The following ITGA6 variants were observed in gnomAD, a reference collection of about 807,000 sequenced individuals.
ITGA6 encodes the protein integrin alpha-6.
In ITGA6, 63 loss-of-function variants were observed where a neutral mutation model predicts 133.6. The ratio of observed to expected loss-of-function variants is 0.47; its 90% confidence interval spans 0.38 to 0.58. ITGA6 has a LOEUF of 0.58. Among genes scored for constraint, ITGA6 ranks in the 20% least tolerant of loss-of-function variants. The pLI, the probability that ITGA6 is intolerant of heterozygous loss-of-function variation, is 0.00. For synonymous variants in ITGA6, 434 were observed against 482.0 expected, an observed-to-expected ratio of 0.90 and a Z score of 1.30; for missense variants, 1,068 against 1,309.4, an observed-to-expected ratio of 0.82 and a Z score of 2.85.
Position 172,469,159 on chromosome 2 carries a change from T to A in ITGA6, c.422T>A (p.Val141Asp). 3 of 1,614,192 alleles carry A rather than the reference T, an allele frequency of 1.9e-6. No individual in the cohort carries two copies. The highest frequency in any genetic ancestry group is 2.5e-6 in the Non-Finnish European group (3 of 1,180,014). The change falls in exon 4 of 26, where the codon GTT (valine) becomes GAT (aspartate). Residue 141 changes from valine (V) to aspartate (D), a missense_variant. By Grantham distance (152) the Val-to-Asp change is radical. This residue lies in a region of ITGA6 where 317 missense variants were observed against 456.9 expected (regional missense o/e 0.69). Transcript: ENST00000684293. ...CACCGATATGAAAAAAGGCAGCATG[T>A]TAATACGAAGCAGGAATCCCGAGAC... Reference protein sequence around the residue: ...CAHRYEKRQHVNTKQESRDIF... With the variant: ...CAHRYEKRQHDNTKQESRDIF...
chr2:172,445,067 G>A (rs1684703761), intron 1 of ITGA6, among the ~76,000 whole-genome samples: 1 of 151,970 alleles, frequency 6.6e-6, no homozygotes, highest in African/African-American at 2.4e-5. Context: ...TCAGGTTCAA[G>A]TGATTCTGCT....
Position 172,484,807 on chromosome 2 carries a change from AAAAG to A in ITGA6, c.1582_1585del (p.Arg528GlufsTer24). On this transcript the variant is annotated frameshift_variant, in exon 12 of 26. Coordinates refer to ENST00000684293, the MANE Select transcript of ITGA6 (RefSeq NM_000210.4). LOFTEE classifies it high-confidence loss of function. ...CAATTGTGGGCACACTTGAAGCTGAAAAAGAAAGAAGAAAATCTGGGCTATCCTC... is the reference window on the plus strand; with the variant it reads ...CAATTGTGGGCACACTTGAAGCTGAAAAAGAAGAAAATCTGGGCTATCCTC... The A allele has an allele frequency of 6.2e-7, 1 of 1,614,198 alleles. No individual in the cohort carries two copies. The highest frequency in any genetic ancestry group is 1.1e-5 in the South Asian group (1 of 91,078).
chr2:172,499,179 T>A (rs555942893), intron 24 of ITGA6, among the ~76,000 whole-genome samples: 1 of 152,318 alleles, frequency 6.6e-6, no homozygotes, highest in Non-Finnish European at 1.5e-5. Flanking sequence ...TTTTTTTGAC[T>A]GACTTTTGCA....
chr2:172,490,828 G>A, intron 20 of ITGA6, 196 bp from the exon 21 acceptor site: 1 of 545,912 alleles, frequency 1.8e-6, no homozygotes, highest in Admixed American at 3.1e-5. Flanking sequence ...AGTCCTATGA[G>A]TAAATCAATA....
chr2:172,435,027 AGTGTGTGTGTGTGTGT>A (rs72087668), intron 1 of ITGA6, among the ~76,000 whole-genome samples: 15 of 144,068 alleles, frequency 1.0e-4, no homozygotes, highest in South Asian at 6.8e-4. Flanking sequence ...GGTGGTTTTA[AGTGTGTGTGTGTGTGT>A]GTGTGTGTGT....
intron 2 of ITGA6, 33 bp downstream of exon 2, chr2:172,465,696 C>T (rs1196188001): frequency 1.1e-5 from 17 of 1,613,852 alleles, no homozygotes; most frequent in South Asian, 4.4e-5. Flanking sequence ...GCGTTCACTC[C>T]GGCAGCTTGC....
rs751055416 is a variant in ITGA6 at position 172,427,763 on chromosome 2, C to T, written c.-26C>T. Reference sequence around the variant, plus strand: ...AGCGCAGGGCGGCCGCTGCAGGTCCCCGCTCCCCTCCCCGTGCGTCCGCCC... The same window carrying T: ...AGCGCAGGGCGGCCGCTGCAGGTCCTCGCTCCCCTCCCCGTGCGTCCGCCC... On this transcript the variant is annotated 5_prime_UTR_variant, in exon 1 of 26. Transcript: ENST00000684293. 2 of 1,560,398 alleles carry T rather than the reference C, an allele frequency of 1.3e-6. No individual in the cohort carries two copies. The highest frequency in any genetic ancestry group is 1.7e-6 in the Non-Finnish European group (2 of 1,154,868).
chr2:172,442,202 T>G (rs1684572663), intron 1 of ITGA6, among the ~76,000 whole-genome samples: 1 of 152,186 alleles, frequency 6.6e-6, no homozygotes, highest in African/African-American at 2.4e-5. Context: ...TGCTTTAGAT[T>G]AGATGAAAGG....
intron 1 of ITGA6, among the ~76,000 whole-genome samples, chr2:172,451,831 C>A (rs1281904166): frequency 6.6e-6 from 1 of 152,080 alleles, no homozygotes; most frequent in Non-Finnish European, 1.5e-5. Flanking sequence ...AAGGTGGCCA[C>A]TTTCACTGTC....
chr2:172,497,920 G>A (rs1687194879), intron 23 of ITGA6, 55 bp from the exon 24 acceptor site: 2 of 1,603,426 alleles, frequency 1.2e-6, no homozygotes, highest in East Asian at 4.5e-5. Flanking sequence ...ATAAACTCCT[G>A]GTGTGAACTC....
At chr2:172,488,325 A>G in intron 19 of ITGA6, 97 bp downstream of exon 19, 1 of 833,236 alleles carries the variant, frequency 1.2e-6, no homozygotes. Flanking sequence ...CAATATTAAT[A>G]AGCATTGTAA....
chr2:172,438,624 A>G (rs1449547413), intron 1 of ITGA6, among the ~76,000 whole-genome samples: 1 of 151,848 alleles, frequency 6.6e-6, no homozygotes, highest in Non-Finnish European at 1.5e-5. Context: ...GAGGGTTGTG[A>G]ACATTAAAGG....
At chr2:172,485,767 G>A (rs188821170) in intron 13 of ITGA6, among the ~76,000 whole-genome samples, 1 of 152,318 alleles carries the variant, frequency 6.6e-6, no homozygotes, top group African/African-American at 2.4e-5. Flanking sequence ...GATGGCCTGT[G>A]GGATACCTCA....
intron 1 of ITGA6, among the ~76,000 whole-genome samples, chr2:172,435,058 GTA>G (rs578151487): frequency 0.048 from 7,239 of 150,308 alleles, 241 homozygotes; most frequent in Middle Eastern, 0.11. Context: ...GTGTGTGTGT[GTA>G]TGATGCAAAT....
chr2:172,467,736 C>T (rs1188008398), intron 3 of ITGA6, among the ~76,000 whole-genome samples, 176 bp downstream of exon 3: 3 of 152,148 alleles, frequency 2.0e-5, no homozygotes, highest in Non-Finnish European at 4.4e-5. Context: ...CCTGTAATCT[C>T]AATACTTTGT....
intron 20 of ITGA6, chr2:172,489,925 T>TATGTTAC (rs1686850636): frequency 2.4e-6 from 1 of 411,258 alleles, no homozygotes; most frequent in African/African-American, 2.0e-5. Flanking sequence ...CATGACCCAG[T>TATGTTAC]ATGTTACATA....
chr2:172,441,355 T>C (rs1684529735), intron 1 of ITGA6, among the ~76,000 whole-genome samples: 1 of 152,016 alleles, frequency 6.6e-6, no homozygotes, highest in African/African-American at 2.4e-5. Flanking sequence ...GCCTAGAGCT[T>C]TAACAGAGCC....
At chr2:172,487,681 G>T in intron 16 of ITGA6, 47 bp from the exon 17 acceptor site, 1 of 1,589,590 alleles carries the variant, frequency 6.3e-7, no homozygotes, top group Non-Finnish European at 8.6e-7. Flanking sequence ...TACCATTGCA[G>T]TGTCTGTATG....
intron 13 of ITGA6, among the ~76,000 whole-genome samples, chr2:172,486,186 A>AAC (rs1469934007): frequency 6.0e-5 from 9 of 151,138 alleles, no homozygotes; most frequent in African/African-American, 1.9e-4. Context: ...CAAAAAAAAA[A>AAC]AAAAAAAAAA....
Sources: allele counts gnomAD v4.1 joint callset (sites outside exome capture counted in the v4.1 genomes callset), GRCh38; gene constraint gnomAD v4.1.1; regional missense constraint gnomAD v4.1.1; transcripts MANE v1.5; gene names NCBI Gene and HGNC (gene_info 2026-07-23, HGNC 2026-07-21).